EXOC4: variants seen among roughly 807,000 people sequenced by gnomAD.
EXOC4 encodes exocyst complex component 4.
Under a neutral mutation model 107.2 loss-of-function variants are expected in EXOC4, and 71 were observed. The ratio of observed to expected loss-of-function variants is 0.66; its 90% CI spans 0.55 to 0.81. The LOEUF (loss-of-function observed/expected upper bound fraction) is 0.81. EXOC4 is among the 30% of genes least tolerant of loss of function. The pLI is 0.00. For missense variants in EXOC4, 1,108 were observed against 1,189.6 expected (o/e 0.93, Z 1.01); for synonymous variants, 456 against 441.2 (o/e 1.03, Z -0.42).
intron 9 of EXOC4, among the ~76,000 whole-genome samples, chr7:133,594,491 G>GTTTTTTTTTTTTTTTT (rs1302445068): frequency 4.2e-5 from 1 of 23,680 alleles, no homozygotes; most frequent in African/African-American, 1.7e-4. Flanking sequence ...ATAAGCTTGA[G>GTTTTTTTTTTTTTTTT]TCTTTTTTTT....
In EXOC4 at chr7:133,604,706, CTTTCTTTTTTTTTTTT is replaced by C. The variant is rs1241173369; in HGVS notation, c.1418-25335_1418-25320del. On this transcript the variant is annotated intron_variant, in intron 9 of 17. Coordinates refer to ENST00000253861, the MANE Select transcript of EXOC4 (RefSeq NM_021807.4). The stretch of plus-strand genomic sequence containing the variant: ...TTTTTCTTTCCTTCCTTCCTTCCTT[CTTTCTTTTTTTTTTTT>C]TTTTTTTTTTTTTTTTTTTGAGGCA... 1.5e-3 allele frequency among the ~76,000 whole-genome samples: 132 copies of C among 87,556 alleles called. 2 individuals are homozygous for C. The highest frequency in any genetic ancestry group is 5.0e-3 in the African/African-American group (113 of 22,716). 57.4% of individuals were successfully genotyped at this position (87,556 alleles called of 152,430 possible). A position where few individuals can be genotyped will look rare whatever the true frequency, so the allele number is the denominator to read the frequency against.
chr7:133,587,724 T>G (rs1301429788), intron 9 of EXOC4, among the ~76,000 whole-genome samples: 1 of 152,198 alleles, frequency 6.6e-6, no homozygotes, highest in African/African-American at 2.4e-5. Flanking sequence ...GAAATTGGAA[T>G]TAGAAAGAAG....
chr7:133,351,140 T>A (rs377134117), intron 5 of EXOC4, among the ~76,000 whole-genome samples: 5 of 152,002 alleles, frequency 3.3e-5, no homozygotes, highest in African/African-American at 9.7e-5. Flanking sequence ...TTTTTACATC[T>A]GTGTTCATAA....
chr7:133,342,894 G>A (rs569564450), intron 5 of EXOC4, among the ~76,000 whole-genome samples: 1 of 151,840 alleles, frequency 6.6e-6, no homozygotes, highest in Non-Finnish European at 1.5e-5. Context: ...TTTATTTGTG[G>A]TATCTATTTC....
chr7:133,254,625 T>A (rs374669071), intron 1 of EXOC4, among the ~76,000 whole-genome samples: 1 of 152,232 alleles, frequency 6.6e-6, no homozygotes, highest in Non-Finnish European at 1.5e-5. Flanking sequence ...ACATATTGAA[T>A]AATATTTGTT....
chr7:133,606,511 ATTATTATTT>A (rs1378321043), intron 9 of EXOC4, among the ~76,000 whole-genome samples: 2 of 141,842 alleles, frequency 1.4e-5, no homozygotes, highest in Non-Finnish European at 3.0e-5. Flanking sequence ...TATTATTATT[ATTATTATTT>A]TTTTTTTTTT....
intron 10 of EXOC4, among the ~76,000 whole-genome samples, chr7:133,670,015 T>C (rs1471427689): frequency 2.0e-5 from 3 of 152,254 alleles, no homozygotes; most frequent in Non-Finnish European, 4.4e-5. Context: ...GTAGATTTCC[T>C]GAAGGTTAGT....
chr7:133,623,947 A>G (rs536551377), intron 9 of EXOC4, among the ~76,000 whole-genome samples: 1 of 152,304 alleles, frequency 6.6e-6, no homozygotes, highest in Non-Finnish European at 1.5e-5. Flanking sequence ...GCAGGGTGAC[A>G]GCTGTGAATT....
chr7:133,322,435 T>C (rs912740301), intron 5 of EXOC4, among the ~76,000 whole-genome samples: 3 of 152,228 alleles, frequency 2.0e-5, no homozygotes, highest in Non-Finnish European at 2.9e-5. Context: ...TTTCTGCATA[T>C]GGCTAGTGAG....
At chr7:134,019,237 A>G (rs1362214231) in intron 17 of EXOC4, among the ~76,000 whole-genome samples, 1 of 152,194 alleles carries the variant, frequency 6.6e-6, no homozygotes, top group Non-Finnish European at 1.5e-5. Flanking sequence ...GCCACGATGT[A>G]TGTTTTAGAG....
chr7:133,504,023 A>G (rs1799623809), intron 9 of EXOC4, among the ~76,000 whole-genome samples: 1 of 152,188 alleles, frequency 6.6e-6, no homozygotes, highest in Non-Finnish European at 1.5e-5. Context: ...ACACACACGT[A>G]TACACACACA....
chr7:133,794,759 C>T (rs1464167841), intron 10 of EXOC4, among the ~76,000 whole-genome samples: 1 of 152,020 alleles, frequency 6.6e-6, no homozygotes, highest in Non-Finnish European at 1.5e-5. Context: ...ATTGAGTGAG[C>T]ATCTCCCAAT....
intron 1 of EXOC4, among the ~76,000 whole-genome samples, chr7:133,265,801 T>C (rs1298506805): frequency 6.6e-6 from 1 of 152,210 alleles, no homozygotes; most frequent in Non-Finnish European, 1.5e-5. Context: ...TAATGCTAAC[T>C]ATTCTGCAGG....
chr7:133,934,332 C>CT (rs1439408697), intron 13 of EXOC4, among the ~76,000 whole-genome samples: 1 of 152,198 alleles, frequency 6.6e-6, no homozygotes, highest in African/African-American at 2.4e-5. Context: ...CTGTCAATCA[C>CT]TTATTCTCTG....
At chr7:133,581,686 A>C (rs916087127) in intron 9 of EXOC4, among the ~76,000 whole-genome samples, 1 of 145,612 alleles carries the variant, frequency 6.9e-6, no homozygotes, top group Non-Finnish European at 1.5e-5. Context: ...TGAACCCAAG[A>C]GGCAGAGCTT....
At chr7:133,954,300 A>G (rs1211149210) in intron 14 of EXOC4, among the ~76,000 whole-genome samples, 1 of 152,214 alleles carries the variant, frequency 6.6e-6, no homozygotes, top group Non-Finnish European at 1.5e-5. Flanking sequence ...CAAGGATATT[A>G]TTTGGAATAC....
chr7:133,273,021 G>C (rs550246975), intron 1 of EXOC4, among the ~76,000 whole-genome samples: 4 of 152,188 alleles, frequency 2.6e-5, no homozygotes, highest in Non-Finnish European at 5.9e-5. Flanking sequence ...ATGGCAAACC[G>C]ATCTAGTGTA....
chr7:133,480,179 G>A (rs1469966140), intron 9 of EXOC4, 41 bp downstream of exon 9: 1 of 1,606,140 alleles, frequency 6.2e-7, no homozygotes, highest in African/African-American at 1.3e-5. Flanking sequence ...ATTTTCTGGA[G>A]GAGTATTTCC....
At position 133,910,348 on chromosome 7, in the gene EXOC4, A is replaced by G. The variant is rs961802192; in HGVS notation, c.1872-7235A>G. Among the ~76,000 whole-genome samples the G allele has an allele frequency of 3.9e-5, 6 of 152,334 alleles. No homozygotes were observed. The East Asian group carries it at 1.2e-3, about 29-fold the overall frequency. On this transcript the variant is annotated intron_variant, in intron 12 of 17. Coordinates refer to ENST00000253861, the MANE Select transcript of EXOC4 (RefSeq NM_021807.4). ...AGAACTTGTCTATTTAAAGGTTGTT[A>G]CTAAATTATCCCCAAGAGTTACCTT...
Sources: gnomAD v4.1 joint callset for allele counts (sites outside exome capture counted in the v4.1 genomes callset) on GRCh38, gnomAD v4.1.1 for gene constraint, MANE v1.5 for transcripts, NCBI Gene and HGNC (gene_info 2026-07-23, HGNC 2026-07-21) for gene names.